The following PDZD2 variants were observed in gnomAD, a reference collection of about 807,000 sequenced individuals.
PDZD2 encodes the protein PDZ domain-containing protein 2.
A neutral mutation model predicts 220.7 loss-of-function variants in PDZD2; 90 were observed. The observed-to-expected ratio is 0.41, with a 90% CI of 0.34 to 0.49. The LOEUF (loss-of-function observed/expected upper bound fraction) is 0.49, where lower values mean the gene tolerates loss of function less well. Ranked by LOEUF, PDZD2 falls within the 20% of genes least tolerant of loss-of-function variation. PDZD2 has a pLI of 0.28. For missense variants in PDZD2, 3,174 were observed against 3,608.5 expected, an observed-to-expected ratio of 0.88 and a Z score of 3.08; for synonymous variants, 1,375 against 1,450.5, an observed-to-expected ratio of 0.95 and a Z score of 1.18.
At chr5:32,052,565 G>GA (rs756274674) in intron 8 of PDZD2, 46 bp from the exon 9 acceptor site, 112 of 1,596,412 alleles carry the variant, frequency 7.0e-5, no homozygotes, top group Non-Finnish European at 9.4e-5. Context: ...TACCACAATA[G>GA]AACAAATGAG....
intron 1 of PDZD2, among the ~76,000 whole-genome samples, chr5:31,734,055 T>A (rs1413556688): frequency 6.6e-6 from 1 of 152,168 alleles, no homozygotes; most frequent in East Asian, 1.9e-4. Context: ...AATCAGAATT[T>A]CCAAAACCCC....
rs769915034 is a variant in PDZD2 at position 32,073,985 on chromosome 5, G to A, written c.2879G>A (p.Arg960Lys). 19 of 1,614,194 alleles carry A rather than the reference G, an allele frequency of 1.2e-5. No homozygotes were observed. The highest frequency in any genetic ancestry group is 4.4e-5 in the South Asian group (4 of 91,084). ...QALRNPLLRQ[R>K]KVGCYDANDA... ...CTCCGAAACCCTCTCCTCCGCCAGAGGAAGGTAGGCTGCTACGATGCCAAC... is the reference window on the plus strand; with the variant it reads ...CTCCGAAACCCTCTCCTCCGCCAGAAGAAGGTAGGCTGCTACGATGCCAAC... Residue 960 changes from arginine to lysine, a missense_variant, in exon 18 of 25, where the codon AGG becomes AAG. Arg to Lys is a conservative substitution (Grantham distance 26). This residue lies in a region of PDZD2 where 1,861 missense variants were observed against 2,001.0 expected (regional missense o/e 0.93). Coordinates refer to ENST00000438447, the MANE Select transcript of PDZD2 (RefSeq NM_178140.4).
intron 1 of PDZD2, among the ~76,000 whole-genome samples, chr5:31,744,692 A>G (rs545609721): frequency 6.6e-6 from 1 of 152,198 alleles, no homozygotes; most frequent in Non-Finnish European, 1.5e-5. Context: ...GAGTCCAAGG[A>G]TATAGTCAAA....
At chr5:32,100,514 G>C (rs540525058) in intron 23 of PDZD2, 1 of 296,782 alleles carries the variant, frequency 3.4e-6, no homozygotes. Context: ...TAGAGGCAGC[G>C]AGTGTGTTTG....
intron 18 of PDZD2, among the ~76,000 whole-genome samples, chr5:32,075,826 T>C (rs73074167): frequency 0.01 from 1,594 of 152,278 alleles, 35 homozygotes; most frequent in African/African-American, 0.037. Context: ...ACCTGGAAAA[T>C]GCTAAGTCAT....
chr5:32,037,405 AGATGAAGCCATTGCCGG>A, intron 7 of PDZD2, 63 bp downstream of exon 7: 2 of 925,064 alleles, frequency 2.2e-6, no homozygotes, highest in Non-Finnish European at 3.5e-6. Flanking sequence ...AGGAGCAGGG[AGATGAAGCCATTGCCGG>A]GATGAGCTCC....
At position 31,993,425 on chromosome 5, in the gene PDZD2, A is replaced by C. The variant is rs571134175; in HGVS notation, c.979-2151A>C. Reference sequence around the variant, plus strand: ...TCCAACAGGTCTCTGTCTGCTAATAATTTCCCCAGACATTCCTATTGCTGC... The same window carrying C: ...TCCAACAGGTCTCTGTCTGCTAATACTTTCCCCAGACATTCCTATTGCTGC... On this transcript the variant is annotated intron_variant, in intron 3 of 24. Transcript: ENST00000438447. 2.0e-5 allele frequency among the ~76,000 whole-genome samples: 3 copies of C among 152,280 alleles called. No individual in the cohort carries two copies. The East Asian group carries it at 5.8e-4, about 29-fold the overall frequency.
At chr5:31,650,841 C>T (rs893643096) in intron 1 of PDZD2, among the ~76,000 whole-genome samples, 6 of 152,304 alleles carry the variant, frequency 3.9e-5, no homozygotes, top group Non-Finnish European at 5.9e-5. Flanking sequence ...TCGGCCTCCG[C>T]GTTTCTTCCT....
At chr5:31,856,769 C>T (rs188654570) in intron 2 of PDZD2, among the ~76,000 whole-genome samples, 48 of 152,100 alleles carry the variant, frequency 3.2e-4, no homozygotes, top group Non-Finnish European at 5.6e-4. Context: ...CCCCTTTTGC[C>T]TTCTTCATCG....
intron 2 of PDZD2, among the ~76,000 whole-genome samples, chr5:31,866,627 T>C (rs1031961099): frequency 5.9e-5 from 9 of 152,324 alleles, no homozygotes; most frequent in South Asian, 2.1e-4. Context: ...AGAAAGCTGC[T>C]GACCCTGCCA....
chr5:31,892,599 G>A (rs562052829), intron 2 of PDZD2, among the ~76,000 whole-genome samples: 14 of 151,722 alleles, frequency 9.2e-5, no homozygotes, highest in African/African-American at 3.4e-4. Flanking sequence ...GGGGAGTCTT[G>A]CCCTGTCACC....
At chr5:32,003,616 TG>T (rs1206409969) in intron 5 of PDZD2, among the ~76,000 whole-genome samples, 1 of 152,306 alleles carries the variant, frequency 6.6e-6, no homozygotes, top group East Asian at 1.9e-4. Flanking sequence ...CTGAAGAACA[TG>T]GGTTTCTGCA....
At chr5:31,950,988 C>T (rs1302376801) in intron 2 of PDZD2, among the ~76,000 whole-genome samples, 2 of 152,184 alleles carry the variant, frequency 1.3e-5, no homozygotes, top group Non-Finnish European at 2.9e-5. Context: ...GGTGTGGGTC[C>T]TGTTCCTCAT....
At chr5:31,642,174 C>T (rs1744974405) in intron 1 of PDZD2, among the ~76,000 whole-genome samples, 1 of 152,158 alleles carries the variant, frequency 6.6e-6, no homozygotes, top group African/African-American at 2.4e-5. Context: ...AAGATGAACC[C>T]ACAAAAGGTC....
In PDZD2 at chr5:31,878,515, C is replaced by T. The variant is rs564958508; in HGVS notation, c.476+78791C>T. ...AAGGATACCTGGAGAAGAGCATGGA[C>T]ACGTACAGGTCCTTTTCTTTGGTGG... is the stretch of plus-strand genomic sequence containing the variant. On this transcript the variant is annotated intron_variant, in intron 2 of 24. Transcript: ENST00000438447. 2.0e-5 allele frequency among the ~76,000 whole-genome samples: 3 copies of T among 148,344 alleles called. No individual in the cohort carries two copies. The South Asian group carries it at 6.4e-4, about 32-fold the overall frequency.
chr5:31,762,821 T>C (rs1751735970), intron 1 of PDZD2, among the ~76,000 whole-genome samples: 5 of 152,150 alleles, frequency 3.3e-5, no homozygotes. Flanking sequence ...GGAGTTGGAT[T>C]TGAGAGGTAA....
chr5:31,995,555 G>A (rs1260919460), intron 3 of PDZD2, 21 bp from the exon 4 acceptor site: 1 of 1,613,634 alleles, frequency 6.2e-7, no homozygotes, highest in Non-Finnish European at 8.5e-7. Flanking sequence ...CCTTCATGGT[G>A]TGCTCACTTT....
At chr5:32,017,975 T>C (rs1183335972) in intron 6 of PDZD2, among the ~76,000 whole-genome samples, 1 of 152,054 alleles carries the variant, frequency 6.6e-6, no homozygotes, top group Non-Finnish European at 1.5e-5. Context: ...AGATCTACAA[T>C]GAGAGGGAAG....
In PDZD2 at chr5:31,799,039, T is replaced by C. The variant is rs1236323652; in HGVS notation, c.-210T>C. 3.5e-6 allele frequency: 2 copies of C among 569,826 alleles called. No individual in the cohort carries two copies. Among genetic ancestry groups the C allele is most frequent in the South Asian group, 2.4e-5 (1 of 40,946 alleles). 35.3% of individuals were successfully genotyped at this position (569,826 alleles called of 1,614,324 possible). ...CTCATTGAGCACTCCAGTGCCATTG[T>C]TCCACAGTTGTTCTAATTGGGTCCT... On this transcript the variant is annotated 5_prime_UTR_variant, in exon 2 of 25. Coordinates refer to ENST00000438447, the MANE Select transcript of PDZD2 (RefSeq NM_178140.4).
Sources: allele counts gnomAD v4.1 joint callset (sites outside exome capture counted in the v4.1 genomes callset), GRCh38; gene constraint gnomAD v4.1.1; regional missense constraint gnomAD v4.1.1; transcripts MANE v1.5; gene names NCBI Gene and HGNC (gene_info 2026-07-23, HGNC 2026-07-21).